KMT2C: variants seen among roughly 807,000 people sequenced by gnomAD.
The protein encoded by KMT2C is histone-lysine N-methyltransferase 2C.
KMT2C carries 88 observed loss-of-function variants against 507.9 expected under a neutral mutation model. The ratio of observed to expected loss-of-function variants is 0.17; its 90% confidence interval spans 0.15 to 0.21. KMT2C has a LOEUF of 0.21. Among genes scored for constraint, KMT2C ranks in the 10% least tolerant of loss-of-function variants. The pLI, the probability that KMT2C is intolerant of heterozygous loss-of-function variation, is 1.00. For missense variants in KMT2C, 4,954 were observed against 5,957.8 expected (o/e 0.83, Z 5.55); for synonymous variants, 2,049 against 2,080.8 (o/e 0.98, Z 0.42).
chr7:152,395,611 G>A (rs1277280143), intron 1 of KMT2C, among the ~76,000 whole-genome samples: 1 of 152,042 alleles, frequency 6.6e-6, no homozygotes, highest in Non-Finnish European at 1.5e-5. Context: ...GGGTTCAAGT[G>A]ATTCTCCTGC....
At position 152,248,296 on chromosome 7, in the gene KMT2C, T is replaced by C. The variant is rs1163010414; in HGVS notation, c.2138A>G (p.Glu713Gly). 6.2e-7 allele frequency: 1 copy of C among 1,613,902 alleles called. No homozygotes were observed. Among genetic ancestry groups the C allele is most frequent in the Admixed American group, 1.7e-5 (1 of 60,000 alleles). Residue 713 changes from glutamate to glycine, a missense_variant, in exon 14 of 59, where the codon GAA becomes GGA. By Grantham distance (98) the Glu-to-Gly change is moderately conservative. Around this residue, in one of 29 missense-constraint regions of KMT2C, gnomAD observed 376 missense variants for 352.4 expected, o/e 1.07. Transcript: ENST00000262189. ...HEESISLCPE[E>G]QLVIERLQGE... ...TTGTAGCCTTTCTATAACCAACTGTTCCTCAGGACATAATGAAATACTTTC... is the reference window on the plus strand; with the variant it reads ...TTGTAGCCTTTCTATAACCAACTGTCCCTCAGGACATAATGAAATACTTTC...
At chr7:152,422,097 C>A (rs1293645044) in intron 1 of KMT2C, among the ~76,000 whole-genome samples, 2 of 152,018 alleles carry the variant, frequency 1.3e-5, no homozygotes, top group Non-Finnish European at 2.9e-5. Flanking sequence ...CTTTTACTCT[C>A]CTCTTCACCC....
chr7:152,154,506 C>T, intron 46 of KMT2C, 61 bp from the exon 47 acceptor site: 3 of 1,442,144 alleles, frequency 2.1e-6, no homozygotes, highest in South Asian at 1.2e-5. Context: ...GCTTCCTGTA[C>T]CAACCCTGCT....
At chr7:152,254,195 C>A (rs2095608445) in intron 9 of KMT2C, among the ~76,000 whole-genome samples, 2 of 151,996 alleles carry the variant, frequency 1.3e-5, no homozygotes, top group South Asian at 4.2e-4. Context: ...GCAGAAGGAT[C>A]TCTTGAGCCT....
intron 11 of KMT2C, 94 bp from the exon 12 acceptor site, chr7:152,251,060 T>C: frequency 1.5e-6 from 1 of 674,212 alleles, no homozygotes; most frequent in Non-Finnish European, 2.6e-6. Flanking sequence ...TAAGGGCAAA[T>C]CATCACCAAA....
chr7:152,159,130 T>A (rs2129101780), intron 43 of KMT2C, 58 bp from the exon 44 acceptor site: 1 of 1,450,810 alleles, frequency 6.9e-7, no homozygotes, highest in Non-Finnish European at 9.7e-7. Flanking sequence ...TGGTTTTTAG[T>A]TCATGCAGTG....
At chr7:152,251,890 C>T (rs772983846) in intron 11 of KMT2C, 49 bp downstream of exon 11, 1 of 1,437,244 alleles carries the variant, frequency 7.0e-7, no homozygotes, top group Non-Finnish European at 9.4e-7. Flanking sequence ...TACAATGGCA[C>T]AACATTACAA....
At chr7:152,215,204 T>C (rs2094542216) in intron 23 of KMT2C, among the ~76,000 whole-genome samples, 2 of 152,106 alleles carry the variant, frequency 1.3e-5, no homozygotes, top group Admixed American at 6.5e-5. Context: ...TGATTCATTG[T>C]ACTATTCACA....
rs869076803 is a variant in KMT2C at position 152,226,219 on chromosome 7, C to CTTTTTTT, written c.2977-1610_2977-1604dup. Among the ~76,000 whole-genome samples, 40 of 94,948 alleles carry CTTTTTTT rather than the reference C, an allele frequency of 4.2e-4. 2 individuals are homozygous for CTTTTTTT. The highest frequency in any genetic ancestry group is 1.5e-3 in the African/African-American group (36 of 23,968). The allele number at this position is 94,948 out of a possible 152,430, so 62.3% of individuals were successfully genotyped here. ...AAGAGTTGGTTGTTCATTACAAGGC[C>CTTTTTTT]TTTTTTTTTTTTTTTTTTTTTTTTT... On this transcript the variant is annotated intron_variant, in intron 18 of 58. Transcript: ENST00000262189.
At chr7:152,396,528 A>C (rs1340713131) in intron 1 of KMT2C, among the ~76,000 whole-genome samples, 2 of 152,216 alleles carry the variant, frequency 1.3e-5, no homozygotes, top group Non-Finnish European at 2.9e-5. Flanking sequence ...AATACCACTA[A>C]GCCTAGAAGG....
At chr7:152,297,282 C>T (rs574947244) in intron 6 of KMT2C, among the ~76,000 whole-genome samples, 29 of 152,098 alleles carry the variant, frequency 1.9e-4, no homozygotes, top group African/African-American at 6.7e-4. Context: ...CAGCTGACTC[C>T]TGAGTTGGAA....
At chr7:152,266,767 C>T (rs1588718262) in intron 7 of KMT2C, among the ~76,000 whole-genome samples, 1 of 152,392 alleles carries the variant, frequency 6.6e-6, no homozygotes, top group East Asian at 1.9e-4. Flanking sequence ...TTTATTTGCA[C>T]TCTTTTAAAA....
At chr7:152,301,754 T>C (rs184353354) in intron 6 of KMT2C, among the ~76,000 whole-genome samples, 2 of 152,184 alleles carry the variant, frequency 1.3e-5, no homozygotes, top group East Asian at 3.9e-4. Context: ...TTTCTAAAAA[T>C]TTACATGGAA....
chr7:152,276,758 AT>A (rs2096088110), intron 6 of KMT2C, among the ~76,000 whole-genome samples: 1 of 151,094 alleles, frequency 6.6e-6, no homozygotes, highest in African/African-American at 2.4e-5. Context: ...AGTCTATAAA[AT>A]TCAAAAAAAA....
intron 2 of KMT2C, among the ~76,000 whole-genome samples, chr7:152,335,336 G>A (rs1589265170): frequency 6.6e-6 from 1 of 152,156 alleles, no homozygotes; most frequent in East Asian, 1.9e-4. Context: ...AATACATTTT[G>A]GGATATACCC....
chr7:152,205,096 A>G lies in KMT2C; in HGVS notation c.3961+10T>C, dbSNP rs2094265364. ...TAAAAAAAAAATTTTTTTTTAAGTCAGTACTATACCATCATCTCTGCAAGG... is the reference window on the plus strand; with the variant it reads ...TAAAAAAAAAATTTTTTTTTAAGTCGGTACTATACCATCATCTCTGCAAGG... On this transcript the variant is annotated intron_variant, in intron 25 of 58. Coordinates refer to ENST00000262189, the MANE Select transcript of KMT2C (RefSeq NM_170606.3). The G allele has an allele frequency of 2.5e-6, 4 of 1,581,440 alleles. No individual in the cohort carries two copies. The highest frequency in any genetic ancestry group is 2.3e-5 in the East Asian group (1 of 43,882).
chr7:152,247,482 T>C (rs1353212913), intron 14 of KMT2C, among the ~76,000 whole-genome samples: 1 of 152,298 alleles, frequency 6.6e-6, no homozygotes, highest in Admixed American at 6.5e-5. Context: ...AATGTTGATG[T>C]TTATCCAGTT....
rs780553433 is a variant in KMT2C at position 152,181,325 on chromosome 7, G to C, written c.6535C>G (p.Gln2179Glu). ...GTTTGTGTAGATGGTCTTGGGGTTT[G>C]GGGCTGCTGACTATATGGGTCAACA... ...TTVDPYSQQP[Q>E]TPRPSTQTDL... is the part of the protein sequence containing the mutation. The change falls in exon 36 of 59, where the codon CAA becomes GAA. Residue 2179 changes from glutamine (Q) to glutamate (E), a missense_variant. Physicochemically the swap from Gln to Glu is conservative, Grantham distance 29. Coordinates refer to ENST00000262189, the MANE Select transcript of KMT2C (RefSeq NM_170606.3). The C allele has an allele frequency of 1.7e-5, 28 of 1,613,782 alleles. No individual in the cohort carries two copies. Among genetic ancestry groups the C allele is most frequent in the Non-Finnish European group, 5.9e-6 (7 of 1,179,990 alleles).
At chr7:152,237,097 C>G (rs1247881466) in intron 15 of KMT2C, among the ~76,000 whole-genome samples, 2 of 152,122 alleles carry the variant, frequency 1.3e-5, no homozygotes, top group African/African-American at 4.8e-5. Flanking sequence ...TTGAAAAAAC[C>G]TGGCACCTCC....
Sources: gnomAD v4.1 joint callset for allele counts (sites outside exome capture counted in the v4.1 genomes callset) on GRCh38, gnomAD v4.1.1 for gene constraint, gnomAD v4.1.1 regional missense constraint, MANE v1.5 for transcripts, NCBI Gene and HGNC (gene_info 2026-07-23, HGNC 2026-07-21) for gene names.